DEPDC7: variants seen among roughly 807,000 people sequenced by gnomAD.
DEPDC7 encodes DEP domain-containing protein 7.
In DEPDC7, 41 loss-of-function variants were observed where a neutral mutation model predicts 56.6. The ratio of observed to expected loss-of-function variants is 0.72; its 90% CI spans 0.56 to 0.94. DEPDC7 has a LOEUF of 0.94. DEPDC7 is among the 40% of genes least tolerant of loss of function. The probability of loss-of-function intolerance (pLI) is 0.00; values close to 1 mark genes in which losing one functional copy is unlikely to be tolerated. For synonymous variants in DEPDC7, 185 were observed against 208.8 expected (o/e 0.89, Z 0.98); for missense variants, 522 against 596.3 (o/e 0.88, Z 1.30).
intron 1 of DEPDC7, 138 bp from the exon 2 acceptor site, chr11:33,025,521 T>G (rs1853567850): frequency 1.0e-5 from 8 of 788,498 alleles, no homozygotes; most frequent in Non-Finnish European, 1.6e-5. Flanking sequence ...AAAACAGTAT[T>G]TCAGTAAGCT....
Position 33,028,695 on chromosome 11 carries a change from G to T in DEPDC7, c.685G>T (p.Ala229Ser), listed in dbSNP as rs1271434609. 1.2e-6 allele frequency: 2 copies of T among 1,613,976 alleles called. No homozygotes were observed. Among genetic ancestry groups the T allele is most frequent in the South Asian group, 2.2e-5 (2 of 91,056 alleles). Residue 229 changes from alanine to serine, a missense_variant, in exon 4 of 9, where the codon GCT (alanine) becomes TCT (serine). Physicochemically the swap from Ala to Ser is moderately conservative, Grantham distance 99 (BLOSUM62 1). Transcript: ENST00000241051. ...TGACTCCTTACTGAAACAGCAAGAG[G>T]CTGTACCTAAAATTCCTCAACCTAA... Reference protein sequence around the residue: ...LLDSLLKQQEAVPKIPQPKRQ... With the variant: ...LLDSLLKQQESVPKIPQPKRQ...
chr11:33,025,638 C>G (rs1275270773), intron 1 of DEPDC7, 21 bp from the exon 2 acceptor site: 1 of 1,584,898 alleles, frequency 6.3e-7, no homozygotes, highest in Admixed American at 1.8e-5. Context: ...CCCAGTTTCT[C>G]TATGATTTTT....
chr11:33,030,804 G>A (rs1377011588), intron 4 of DEPDC7, among the ~76,000 whole-genome samples: 1 of 151,998 alleles, frequency 6.6e-6, no homozygotes, highest in Non-Finnish European at 1.5e-5. Context: ...GGCTGGTCTC[G>A]AACTGCTGAC....
At chr11:33,031,675 T>C (rs952331213) in intron 5 of DEPDC7, 86 bp downstream of exon 5, 2 of 1,034,126 alleles carry the variant, frequency 1.9e-6, no homozygotes, top group Non-Finnish European at 2.9e-6. Context: ...AGAATAGTAC[T>C]ACTACAAGCT....
In DEPDC7 at chr11:33,033,500, A is replaced by T; in HGVS notation, c.*45A>T. The T allele has an allele frequency of 7.9e-7, 1 of 1,273,302 alleles. No homozygotes were observed. The highest frequency in any genetic ancestry group is 1.1e-6 in the Non-Finnish European group (1 of 933,300). 78.9% of individuals were successfully genotyped at this position (1,273,302 alleles called of 1,614,324 possible). A position where few individuals can be genotyped will look rare whatever the true frequency, so the allele number is the denominator to read the frequency against. ...AAGTTGTGTATTTTAAGAATAAATT[A>T]TGTATCCTAAATATCCAATCACATT... is the stretch of plus-strand genomic sequence containing the variant. On this transcript the variant is annotated 3_prime_UTR_variant, in exon 9 of 9. Coordinates refer to ENST00000241051, the MANE Select transcript of DEPDC7 (RefSeq NM_001077242.2).
intron 4 of DEPDC7, 119 bp downstream of exon 4, chr11:33,028,911 T>C (rs181173724): frequency 8.2e-6 from 5 of 612,870 alleles, no homozygotes; most frequent in Admixed American, 3.7e-5. Context: ...TTAGTTGATA[T>C]TATCAGTATT....
intron 1 of DEPDC7, among the ~76,000 whole-genome samples, chr11:33,019,718 C>A (rs910809001): frequency 6.6e-6 from 1 of 152,200 alleles, no homozygotes; most frequent in South Asian, 2.1e-4. Flanking sequence ...TAACAACTAA[C>A]AAATATTGAC....
At chr11:33,025,097 C>T (rs1408277559) in intron 1 of DEPDC7, among the ~76,000 whole-genome samples, 2 of 152,122 alleles carry the variant, frequency 1.3e-5, no homozygotes, top group African/African-American at 2.4e-5. Context: ...GTCTCAAACT[C>T]CAGCCCCTCT....
chr11:33,021,389 T>A (rs1853523054), intron 1 of DEPDC7, among the ~76,000 whole-genome samples: 1 of 152,172 alleles, frequency 6.6e-6, no homozygotes, highest in Non-Finnish European at 1.5e-5. Flanking sequence ...TAATTCTGAT[T>A]GCAAGACTTA....
At chr11:33,029,751 G>C (rs1272708829) in intron 4 of DEPDC7, among the ~76,000 whole-genome samples, 1 of 152,096 alleles carries the variant, frequency 6.6e-6, no homozygotes, top group African/African-American at 2.4e-5. Flanking sequence ...TCTAATTAAG[G>C]AGATGAAAAT....
intron 3 of DEPDC7, 60 bp downstream of exon 3, chr11:33,027,873 T>G (rs1180001394): frequency 7.0e-6 from 10 of 1,438,582 alleles, no homozygotes; most frequent in Non-Finnish European, 9.2e-6. Flanking sequence ...TATTTAAAAT[T>G]TTTTAATCTT....
intron 1 of DEPDC7, among the ~76,000 whole-genome samples, chr11:33,022,736 T>G (rs1032201289): frequency 2.0e-5 from 3 of 152,164 alleles, no homozygotes; most frequent in African/African-American, 7.2e-5. Flanking sequence ...TGACCTGGAC[T>G]TACTCTGAGA....
At chr11:33,028,845 A>C in intron 4 of DEPDC7, 53 bp downstream of exon 4, 5 of 1,383,674 alleles carry the variant, frequency 3.6e-6, no homozygotes, top group Non-Finnish European at 4.9e-6. Flanking sequence ...AGATTGAGAT[A>C]ATGGTTTTAA....
intron 3 of DEPDC7, 37 bp from the exon 4 acceptor site, chr11:33,028,562 TATTA>T (rs773255571): frequency 3.4e-6 from 5 of 1,454,232 alleles, no homozygotes; most frequent in South Asian, 1.3e-5. Flanking sequence ...ATATAGTAAC[TATTA>T]ATTGTTACTT....
chr11:33,031,586 T>A lies in DEPDC7; in HGVS notation c.991T>A (p.Leu331Ile), dbSNP rs758922237. The change falls in exon 5 of 9, where the codon TTA (leucine) becomes ATA (isoleucine). Residue 331 changes from leucine (L) to isoleucine (I), a missense_variant. By Grantham distance (5) the Leu-to-Ile change is conservative. Transcript: ENST00000241051. ...CGTTCATAATGGAATTGCAGAACTC[T>A]TAGGTAAGTAAGATCTAACTGGATA... ...SDVHNGIAEL[L>I]VNGKTEIALE... The A allele has an allele frequency of 6.2e-7, 1 of 1,610,618 alleles. No homozygotes were observed. Among genetic ancestry groups the A allele is most frequent in the Non-Finnish European group, 8.5e-7 (1 of 1,176,814 alleles).
Position 33,027,677 on chromosome 11 carries a change from T to C in DEPDC7, c.465-9T>C, listed in dbSNP as rs1853592610. 2 of 1,488,898 alleles carry C rather than the reference T, an allele frequency of 1.3e-6. No homozygotes were observed. Among genetic ancestry groups the C allele is most frequent in the Admixed American group, 5.4e-5 (2 of 36,784 alleles). 92.2% of individuals were successfully genotyped at this position (1,488,898 alleles called of 1,614,324 possible). A position where few individuals can be genotyped will look rare whatever the true frequency, so the allele number is the denominator to read the frequency against. ...GTAAATGTTCATTTCTGAAATAAATTCATTTTAGGTATGCAGATGCATTAT... is the reference window on the plus strand; with the variant it reads ...GTAAATGTTCATTTCTGAAATAAATCCATTTTAGGTATGCAGATGCATTAT... On this transcript the variant is annotated splice_polypyrimidine_tract_variant and intron_variant, in intron 2 of 8. Transcript: ENST00000241051.
chr11:33,023,405 A>G (rs975648863), intron 1 of DEPDC7, among the ~76,000 whole-genome samples: 35 of 152,310 alleles, frequency 2.3e-4, no homozygotes, highest in African/African-American at 8.4e-4. Context: ...GCTAGTAGCT[A>G]CAGAATTATG....
intron 4 of DEPDC7, among the ~76,000 whole-genome samples, chr11:33,030,250 A>G (rs1015430032): frequency 2.6e-5 from 4 of 152,214 alleles, no homozygotes; most frequent in South Asian, 2.1e-4. Flanking sequence ...GAGCCACTGC[A>G]CCCAGCCTTG....
intron 1 of DEPDC7, among the ~76,000 whole-genome samples, chr11:33,021,393 A>G (rs1256027473): frequency 1.3e-5 from 2 of 152,232 alleles, no homozygotes; most frequent in Non-Finnish European, 2.9e-5. Context: ...TCTGATTGCA[A>G]GACTTAAAAA....
Sources: allele counts gnomAD v4.1 joint callset (sites outside exome capture counted in the v4.1 genomes callset), GRCh38; gene constraint gnomAD v4.1.1; transcripts MANE v1.5; gene names NCBI Gene and HGNC (gene_info 2026-07-23, HGNC 2026-07-21).